CIT: variants seen among roughly 807,000 people sequenced by gnomAD.
CIT encodes citron Rho-interacting kinase.
A neutral mutation model predicts 272.7 loss-of-function variants in CIT; 79 were observed. The observed-to-expected ratio is 0.29, with a 90% CI of 0.24 to 0.35. The LOEUF is 0.35. Among genes scored for constraint, CIT ranks in the 10% least tolerant of loss-of-function variants. CIT has a pLI of 1.00. For missense variants in CIT, 1,909 were observed against 2,618.3 expected (o/e 0.73, Z 5.91); for synonymous variants, 948 against 995.6 (o/e 0.95, Z 0.90).
chr12:119,788,876 G>A (rs1322628442), intron 10 of CIT, among the ~76,000 whole-genome samples: 1 of 152,090 alleles, frequency 6.6e-6, no homozygotes, highest in Non-Finnish European at 1.5e-5. Context: ...TAGAATAAAG[G>A]TGCTAAAGAA....
At chr12:119,825,133 T>A (rs762721766) in intron 8 of CIT, 32 bp downstream of exon 8, 7 of 1,583,190 alleles carry the variant, frequency 4.4e-6, no homozygotes, top group Non-Finnish European at 5.2e-6. Flanking sequence ...CGTTTCTCAA[T>A]GTGACTTCGA....
chr12:119,850,435 GAGGGAAAGGGAAGGAAAGGGA>G (rs1341850161), intron 4 of CIT, among the ~76,000 whole-genome samples, 160 bp from the exon 5 acceptor site: 1 of 142,526 alleles, frequency 7.0e-6, no homozygotes, highest in African/African-American at 2.7e-5. Flanking sequence ...GAAGGAAGAA[GAGGGAAAGGGAAGGAAAGGGA>G]AGGGAAGGGG....
At chr12:119,860,665 T>C (rs1950309026) in intron 3 of CIT, among the ~76,000 whole-genome samples, 1 of 152,148 alleles carries the variant, frequency 6.6e-6, no homozygotes, top group African/African-American at 2.4e-5. Context: ...CTTTCTCAAC[T>C]GCACAAGGAG....
At chr12:119,847,927 T>G (rs1319410923) in intron 5 of CIT, among the ~76,000 whole-genome samples, 2 of 151,970 alleles carry the variant, frequency 1.3e-5, no homozygotes, top group African/African-American at 2.4e-5. Context: ...AAATTAAAAG[T>G]CTGTTAATAC....
At chr12:119,775,924 G>A (rs948237314) in intron 15 of CIT, 85 bp from the exon 16 acceptor site, 2 of 1,061,458 alleles carry the variant, frequency 1.9e-6, no homozygotes, top group Non-Finnish European at 1.4e-6. Flanking sequence ...ATTCTCTTGA[G>A]GTTTCTATGG....
chr12:119,752,251 A>G lies in CIT; in HGVS notation c.2707-4T>C. On this transcript the variant is annotated splice_polypyrimidine_tract_variant and splice_region_variant and intron_variant, in intron 22 of 47. Transcript: ENST00000392521. ...GCTCCTCGTGCTCTAGACTGACCTG[A>G]GACAGAGAGAGAGAGAGAAAGAGAG... 6.3e-7 allele frequency: 1 copy of G among 1,597,336 alleles called. No homozygotes were observed. Among genetic ancestry groups the G allele is most frequent in the Non-Finnish European group, 8.5e-7 (1 of 1,173,688 alleles).
At chr12:119,704,285 G>T in intron 41 of CIT, 78 bp downstream of exon 41, 1 of 1,354,554 alleles carries the variant, frequency 7.4e-7, no homozygotes, top group Non-Finnish European at 1.1e-6. Context: ...TCCCAGGACA[G>T]TGCACTTTCC....
At chr12:119,815,037 C>CA (rs140981194) in intron 9 of CIT, among the ~76,000 whole-genome samples, 2,054 of 58,846 alleles carry the variant, frequency 0.035, 80 homozygotes, top group East Asian at 0.14. Flanking sequence ...GACTCTGTCT[C>CA]AAAAAAAAAA....
At position 119,718,728 on chromosome 12, in the gene CIT, C is replaced by T. The variant is rs1180213325; in HGVS notation, c.3974G>A (p.Arg1325His). 3 of 1,613,744 alleles carry T rather than the reference C, an allele frequency of 1.9e-6. No homozygotes were observed. Among genetic ancestry groups the T allele is most frequent in the African/African-American group, 2.7e-5 (2 of 74,908 alleles). ...CTCCCGGGCGGACCGGAGCTCGATG[C>T]GGGTCTTCTGAAGGGCTTCCTCTAG... Reference protein sequence around the residue: ...AELEEALQKTRIELRSAREEA... With the variant: ...AELEEALQKTHIELRSAREEA... The change falls in exon 31 of 48, where the codon CGC becomes CAC. Residue 1325 changes from arginine (R) to histidine (H), a missense_variant. Arg to His is a conservative substitution (Grantham distance 29). Around this residue, in one of 8 missense-constraint regions of CIT, gnomAD observed 780 missense variants for 1,067.2 expected, o/e 0.73. Coordinates refer to ENST00000392521, the MANE Select transcript of CIT (RefSeq NM_001206999.2). The surrounding 1 kb of genome is among the most constrained non-coding windows in gnomAD (Gnocchi z 4.8).
intron 27 of CIT, 123 bp downstream of exon 27, chr12:119,730,372 G>A (rs886227047): frequency 2.9e-5 from 34 of 1,188,588 alleles, no homozygotes; most frequent in African/African-American, 3.1e-5. Flanking sequence ...CATTTTTGGA[G>A]TGCATGAACA....
chr12:119,810,897 G>T (rs1350835855), intron 9 of CIT, among the ~76,000 whole-genome samples: 1 of 152,080 alleles, frequency 6.6e-6, no homozygotes, highest in Non-Finnish European at 1.5e-5. Flanking sequence ...AATAGAGCTG[G>T]CTACTAAATA....
chr12:119,703,880 T>C (rs1197536631), intron 41 of CIT, among the ~76,000 whole-genome samples: 2 of 152,210 alleles, frequency 1.3e-5, no homozygotes, highest in Admixed American at 1.3e-4. Context: ...GCAGTCATCA[T>C]CACAGCTCAC....
chr12:119,715,088 A>G (rs894485168), intron 32 of CIT, among the ~76,000 whole-genome samples: 3 of 152,070 alleles, frequency 2.0e-5, no homozygotes, highest in African/African-American at 7.3e-5. Flanking sequence ...AGTGAATAAG[A>G]TCTGATAGTT....
chr12:119,787,784 C>T (rs1055616947), intron 10 of CIT, among the ~76,000 whole-genome samples: 1 of 151,106 alleles, frequency 6.6e-6, no homozygotes, highest in African/African-American at 2.4e-5. Flanking sequence ...AAAATCTGAC[C>T]CCACCACTGA....
At chr12:119,821,816 A>G (rs959999324) in intron 9 of CIT, among the ~76,000 whole-genome samples, 3 of 152,204 alleles carry the variant, frequency 2.0e-5, no homozygotes, top group African/African-American at 7.2e-5. Flanking sequence ...TTAGAAAAAT[A>G]AAGCAATGTG....
intron 28 of CIT, among the ~76,000 whole-genome samples, chr12:119,727,911 C>G (rs1020912997): frequency 6.9e-6 from 1 of 145,692 alleles, no homozygotes; most frequent in African/African-American, 2.6e-5. Context: ...GCCTGGGCAA[C>G]AGAGCAAGAC....
chr12:119,705,293 GCT>G (rs1201283280), intron 40 of CIT, among the ~76,000 whole-genome samples: 1 of 152,066 alleles, frequency 6.6e-6, no homozygotes, highest in Non-Finnish European at 1.5e-5. Flanking sequence ...ACATCAAAAC[GCT>G]CTTTTTCTAG....
chr12:119,695,466 G>A (rs1956175638), intron 46 of CIT, among the ~76,000 whole-genome samples: 1 of 152,120 alleles, frequency 6.6e-6, no homozygotes, highest in Admixed American at 6.6e-5. Context: ...ACTTCCTGTG[G>A]GTACCAAAAT....
intron 5 of CIT, among the ~76,000 whole-genome samples, chr12:119,843,537 C>T (rs1969551718): frequency 1.3e-5 from 2 of 151,978 alleles, no homozygotes; most frequent in African/African-American, 4.8e-5. Flanking sequence ...CAGGGCCAGG[C>T]GTGGTGGTTC....
Sources: allele counts gnomAD v4.1 joint callset (sites outside exome capture counted in the v4.1 genomes callset), GRCh38; gene constraint gnomAD v4.1.1; regional missense constraint gnomAD v4.1.1; non-coding constraint Gnocchi (gnomAD v3.1); transcripts MANE v1.5; gene names NCBI Gene and HGNC (gene_info 2026-07-23, HGNC 2026-07-21).